Variants in SLC25A48 observed in about 807,000 individuals in gnomAD.
SLC25A48 encodes the protein CTC-321K16.1.
In SLC25A48, 29 loss-of-function variants were observed where a neutral mutation model predicts 32.2. The observed-to-expected ratio is 0.90, with a 90% CI of 0.67 to 1.23. SLC25A48 has a LOEUF of 1.23. Among genes scored for constraint, SLC25A48 ranks in the 50% most tolerant of loss-of-function variants. The pLI, the probability that SLC25A48 is intolerant of heterozygous loss-of-function variation, is 0.00. For synonymous variants in SLC25A48, 164 were observed against 172.3 expected (o/e 0.95, Z 0.38); for missense variants, 399 against 422.7 (o/e 0.94, Z 0.49).
chr5:135,847,427 G>A (rs143364073), intron 2 of SLC25A48, among the ~76,000 whole-genome samples: 16 of 152,338 alleles, frequency 1.1e-4, no homozygotes, highest in Middle Eastern at 3.4e-3. Flanking sequence ...ATGTGAGGCA[G>A]TGTGGTTGAC....
intron 7 of SLC25A48, among the ~76,000 whole-genome samples, chr5:135,880,467 G>A (rs963284013): frequency 6.6e-6 from 1 of 152,106 alleles, no homozygotes; most frequent in Non-Finnish European, 1.5e-5. Context: ...GGTACCTGCA[G>A]GGGGCACCGT....
chr5:135,619,076 A>G (rs371795522), intron 1 of SLC25A48, among the ~76,000 whole-genome samples: 13 of 152,080 alleles, frequency 8.5e-5, no homozygotes, highest in Admixed American at 8.5e-4. Context: ...TGCTTTATTT[A>G]ACAAATTTTA....
intron 3 of SLC25A48, among the ~76,000 whole-genome samples, chr5:135,682,298 G>T (rs1018660628): frequency 6.6e-6 from 1 of 152,066 alleles, no homozygotes; most frequent in African/African-American, 2.4e-5. Context: ...TATCTTGTAG[G>T]ATTTTTTTGT....
chr5:135,826,498 C>T (rs758606246), intron 4 of SLC25A48: 2 of 152,272 alleles, frequency 1.3e-5, no homozygotes, highest in East Asian at 3.8e-4. Flanking sequence ...GAAGCAGGAG[C>T]CACCTGAACA....
chr5:135,769,440 C>A (rs1157942683), intron 3 of SLC25A48, among the ~76,000 whole-genome samples: 1 of 151,612 alleles, frequency 6.6e-6, no homozygotes, highest in Non-Finnish European at 1.5e-5. Context: ...TGATATTACT[C>A]CCAGGAGTGT....
At chr5:135,637,486 G>C (rs529323158) in intron 3 of SLC25A48, among the ~76,000 whole-genome samples, 1 of 152,298 alleles carries the variant, frequency 6.6e-6, no homozygotes, top group African/African-American at 2.4e-5. Flanking sequence ...GGGAAAACTG[G>C]ATGAAAGATT....
At chr5:135,840,988 T>A (rs1000298585) in intron 1 of SLC25A48, among the ~76,000 whole-genome samples, 3 of 152,236 alleles carry the variant, frequency 2.0e-5, no homozygotes, top group African/African-American at 7.2e-5. Context: ...TTTTGAGGAA[T>A]TGCCAAACTG....
intron 3 of SLC25A48, among the ~76,000 whole-genome samples, chr5:135,669,303 T>A (rs1753598266): frequency 1.3e-5 from 2 of 151,602 alleles, no homozygotes. Context: ...GGCCTGGAGG[T>A]GGGAAAGGAC....
intron 3 of SLC25A48, among the ~76,000 whole-genome samples, chr5:135,851,654 G>A (rs1388123568): frequency 6.6e-6 from 1 of 152,204 alleles, no homozygotes; most frequent in African/African-American, 2.4e-5. Flanking sequence ...CTGGCAGCCA[G>A]GGTACAGTGT....
At chr5:135,582,685 C>T (rs973122019) in intron 1 of SLC25A48, among the ~76,000 whole-genome samples, 3 of 152,162 alleles carry the variant, frequency 2.0e-5, no homozygotes, top group African/African-American at 7.2e-5. Flanking sequence ...CTGCCATGCT[C>T]CCCACAGGCT....
chr5:135,623,444 A>T (rs1319315341), intron 1 of SLC25A48, among the ~76,000 whole-genome samples: 2 of 152,154 alleles, frequency 1.3e-5, no homozygotes, highest in Admixed American at 6.5e-5. Flanking sequence ...GGATACCAAC[A>T]TGTCTGGGGA....
At chr5:135,585,172 G>A (rs1751334346) in intron 1 of SLC25A48, among the ~76,000 whole-genome samples, 2 of 152,134 alleles carry the variant, frequency 1.3e-5, no homozygotes, top group Admixed American at 1.3e-4. Flanking sequence ...CTTGGCACAG[G>A]GGAACAAGCA....
intron 1 of SLC25A48, among the ~76,000 whole-genome samples, chr5:135,582,685 C>G (rs973122019): frequency 6.6e-6 from 1 of 152,162 alleles, no homozygotes; most frequent in East Asian, 1.9e-4. Flanking sequence ...CTGCCATGCT[C>G]CCCACAGGCT....
intron 1 of SLC25A48, among the ~76,000 whole-genome samples, chr5:135,589,065 C>T (rs759706502): frequency 2.0e-5 from 3 of 152,168 alleles, no homozygotes; most frequent in Admixed American, 6.5e-5. Context: ...AGCCTGTGCC[C>T]GTGCACAGAA....
At chr5:135,679,373 C>G (rs1018360199) in intron 3 of SLC25A48, among the ~76,000 whole-genome samples, 3 of 152,218 alleles carry the variant, frequency 2.0e-5, no homozygotes, top group Non-Finnish European at 4.4e-5. Context: ...CCAGGTGGAT[C>G]TGTCCTCAGG....
intron 1 of SLC25A48, among the ~76,000 whole-genome samples, chr5:135,613,201 G>A (rs1174694567): frequency 6.6e-6 from 1 of 151,928 alleles, no homozygotes; most frequent in Non-Finnish European, 1.5e-5. Flanking sequence ...TCATATACCT[G>A]TTGTCTATTT....
intron 1 of SLC25A48, among the ~76,000 whole-genome samples, chr5:135,582,894 C>T (rs946476972): frequency 6.6e-6 from 1 of 152,292 alleles, no homozygotes; most frequent in South Asian, 2.1e-4. Context: ...AACAACAGTC[C>T]CTCTCTGTGT....
chr5:135,765,555 CA>C (rs981258242), intron 3 of SLC25A48, among the ~76,000 whole-genome samples: 5 of 149,350 alleles, frequency 3.3e-5, no homozygotes, highest in Non-Finnish European at 5.9e-5. Flanking sequence ...TTTTAATATC[CA>C]GGGGGAAAAG....
intron 3 of SLC25A48, among the ~76,000 whole-genome samples, chr5:135,775,335 G>A (rs766618367): frequency 1.3e-5 from 2 of 151,314 alleles, no homozygotes; most frequent in African/African-American, 2.4e-5. Flanking sequence ...TCCCAATATC[G>A]TAGAATAGGT....
Sources: allele counts gnomAD v4.1 joint callset (sites outside exome capture counted in the v4.1 genomes callset), GRCh38; gene constraint gnomAD v4.1.1; transcripts MANE v1.5; gene names NCBI Gene and HGNC (gene_info 2026-07-23, HGNC 2026-07-21).